VTCN1: variants seen among roughly 807,000 people sequenced by gnomAD.
VTCN1 encodes V-set domain containing T cell activation inhibitor 1.
A neutral mutation model predicts 26.5 loss-of-function variants in VTCN1; 26 were observed. The ratio of observed to expected loss-of-function variants is 0.98; its 90% CI spans 0.72 to 1.36. VTCN1 has a LOEUF of 1.36. VTCN1 is among the 40% of genes most tolerant of loss of function. The pLI is 0.00. For synonymous variants in VTCN1, 116 were observed against 130.7 expected (o/e 0.89, Z 0.77); for missense variants, 298 against 337.7 (o/e 0.88, Z 0.92).
chr1:117,201,091 AT>A (rs1437110952), intron 1 of VTCN1, among the ~76,000 whole-genome samples: 1 of 152,206 alleles, frequency 6.6e-6, no homozygotes, highest in Non-Finnish European at 1.5e-5. Flanking sequence ...AATTCTATAC[AT>A]TTATAATGGG....
chr1:117,153,415 G>A (rs2051047), intron 3 of VTCN1, 46 bp from the exon 4 acceptor site: 167,869 of 1,555,558 alleles, frequency 0.11, 19,742 homozygotes, highest in African/African-American at 0.62. Context: ...AGTCAGACAC[G>A]TAAGACAATA....
At position 117,167,752 on chromosome 1, in the gene VTCN1, G is replaced by A. The variant is rs1424428554; in HGVS notation, c.97+2355C>T. On this transcript the variant is annotated intron_variant, in intron 2 of 5. Transcript: ENST00000369458. The surrounding 1 kb of genome is among the most constrained non-coding windows in gnomAD (Gnocchi z 4.1). The stretch of plus-strand genomic sequence containing the variant: ...CACTCCTTGTGAGCTGCTTTATTTT[G>A]AGACAGTAGAAAAAGAATTGAAAGA... 6.6e-6 allele frequency among the ~76,000 whole-genome samples: 1 copy of A among 152,114 alleles called. No homozygotes were observed. The highest frequency in any genetic ancestry group is 1.5e-5 in the Non-Finnish European group (1 of 68,028).
intron 1 of VTCN1, 35 bp from the exon 2 acceptor site, chr1:117,170,206 C>A (rs772076171): frequency 5.6e-6 from 9 of 1,595,622 alleles, no homozygotes; most frequent in South Asian, 1.1e-5. Flanking sequence ...AAAATTAGTT[C>A]TCCATTCCTC....
At chr1:117,187,247 G>T (rs1257856321) in intron 1 of VTCN1, among the ~76,000 whole-genome samples, 1 of 135,116 alleles carries the variant, frequency 7.4e-6, no homozygotes, top group Non-Finnish European at 1.5e-5. Context: ...GGAGGCAGAG[G>T]TTGCAGTGAG....
chr1:117,147,915 TG>T lies in VTCN1; in HGVS notation c.725-134del. The T allele has an allele frequency of 8.5e-7, 1 of 1,175,918 alleles. No individual in the cohort carries two copies. Among genetic ancestry groups the T allele is most frequent in the African/African-American group, 1.5e-5 (1 of 64,626 alleles). 72.8% of individuals were successfully genotyped at this position (1,175,918 alleles called of 1,614,324 possible). On this transcript the variant is annotated intron_variant, in intron 4 of 5. Coordinates refer to ENST00000369458, the MANE Select transcript of VTCN1 (RefSeq NM_024626.4). This position sits in a 1 kb window ranked among gnomAD's most constrained non-coding sequence, Gnocchi z 4.6. ...TAATTCAGGCAATTTTTTACCCCTT[TG>T]CCCACCTCTCCGTAACTGGCTTAAA...
chr1:117,151,835 T>A (rs1469897184), intron 4 of VTCN1, among the ~76,000 whole-genome samples: 7 of 152,192 alleles, frequency 4.6e-5, no homozygotes, highest in Non-Finnish European at 1.0e-4. Context: ...GGTTCCAATT[T>A]TTCCGCATCC....
chr1:117,183,256 CT>C lies in VTCN1; in HGVS notation c.33-13086del, dbSNP rs1647762667. Among the ~76,000 whole-genome samples, 1 of 152,162 alleles carries C rather than the reference CT, an allele frequency of 6.6e-6. No individual in the cohort carries two copies. The highest frequency in any genetic ancestry group is 2.4e-5 in the African/African-American group (1 of 41,418). On this transcript the variant is annotated intron_variant, in intron 1 of 5. Coordinates refer to ENST00000369458, the MANE Select transcript of VTCN1 (RefSeq NM_024626.4). The surrounding 1 kb of genome is among the most constrained non-coding windows in gnomAD (Gnocchi z 4.1). ...CTTCGTTCCTATTATTTTTCAAGTT[CT>C]TGGAACATGCAAGGAACTTACCAAA...
chr1:117,181,002 A>G (rs1221729608), intron 1 of VTCN1, among the ~76,000 whole-genome samples: 1 of 152,226 alleles, frequency 6.6e-6, no homozygotes, highest in Non-Finnish European at 1.5e-5. Flanking sequence ...CAACACTGCA[A>G]TTCATCCTAT....
intron 2 of VTCN1, among the ~76,000 whole-genome samples, chr1:117,158,584 G>C (rs763931982): frequency 9.2e-5 from 14 of 152,146 alleles, no homozygotes; most frequent in African/African-American, 2.9e-4. Flanking sequence ...TGATGGGAGG[G>C]GCAGCCATGA....
chr1:117,153,244 A>G lies in VTCN1; in HGVS notation c.571T>C (p.Phe191Leu), dbSNP rs1204862616. The stretch of plus-strand genomic sequence containing the variant: ...AAGCTGGTATTGGAGACTTCCGAGA[A>G]GTTGGCTCCCTGGTCAACTTGGGAT... ...WASQVDQGAN[F>L]SEVSNTSFEL... Residue 191 changes from phenylalanine (F) to leucine (L), a missense_variant, in exon 4 of 6, where the codon TTC becomes CTC. Physicochemically the swap from Phe to Leu is conservative, Grantham distance 22. Transcript: ENST00000369458. 6.2e-7 allele frequency: 1 copy of G among 1,614,114 alleles called. No homozygotes were observed. Among genetic ancestry groups the G allele is most frequent in the Non-Finnish European group, 8.5e-7 (1 of 1,179,990 alleles).
chr1:117,195,700 C>T (rs1421203762), intron 1 of VTCN1, among the ~76,000 whole-genome samples: 1 of 152,066 alleles, frequency 6.6e-6, no homozygotes, highest in Non-Finnish European at 1.5e-5. Context: ...AAGTTGGTAC[C>T]AACTTTAGTG....
At chr1:117,170,600 T>C (rs552024013) in intron 1 of VTCN1, among the ~76,000 whole-genome samples, 17 of 152,352 alleles carry the variant, frequency 1.1e-4, no homozygotes, top group African/African-American at 4.1e-4. Flanking sequence ...CCATAGACTT[T>C]AAACTCCATT....
intron 1 of VTCN1, among the ~76,000 whole-genome samples, chr1:117,198,174 C>G (rs1648611217): frequency 6.6e-6 from 1 of 152,202 alleles, no homozygotes. Flanking sequence ...TCTTCCACTT[C>G]CCTGAAGTAT....
intron 1 of VTCN1, among the ~76,000 whole-genome samples, chr1:117,210,178 A>T (rs569259890): frequency 2.0e-5 from 3 of 152,098 alleles, no homozygotes; most frequent in South Asian, 4.2e-4. Flanking sequence ...AAGGTAGGGG[A>T]GGGAACTTGC....
Position 117,144,297 on chromosome 1 carries a change from C to T in VTCN1, c.*974G>A, listed in dbSNP as rs1404542253. 5.3e-5 allele frequency: 8 copies of T among 152,342 alleles called. No homozygotes were observed. The Middle Eastern group carries it at 0.01, about 194-fold the overall frequency. The allele number at this position is 152,342 out of a possible 1,614,324, so 9.4% of individuals were successfully genotyped here. A position where few individuals can be genotyped will look rare whatever the true frequency, so the allele number is the denominator to read the frequency against. On this transcript the variant is annotated 3_prime_UTR_variant, in exon 6 of 6. Transcript: ENST00000369458. ...TTGAGCAGCATCCCTGGCCTCTATC[C>T]ACTAGTTGGTAGTAGCACTGTATCC...
chr1:117,151,074 G>T (rs1651763555), intron 4 of VTCN1, among the ~76,000 whole-genome samples: 1 of 152,164 alleles, frequency 6.6e-6, no homozygotes, highest in Non-Finnish European at 1.5e-5. Flanking sequence ...GTGCTACTGT[G>T]ACCATGGGTG....
In VTCN1 at chr1:117,153,100, T is replaced by C. The variant is rs745587678; in HGVS notation, c.715A>G (p.Lys239Glu). Reference protein sequence around the residue: ...NDIAKATGDIKVTESEIKRRS... With the variant: ...NDIAKATGDIEVTESEIKRRS... ...GCATGCAGGAACCCACCTGTCACTTTGATATCCCCTGTTGCTTTGGCAATG... is the reference window on the plus strand; with the variant it reads ...GCATGCAGGAACCCACCTGTCACTTCGATATCCCCTGTTGCTTTGGCAATG... Residue 239 changes from lysine to glutamate, a missense_variant, in exon 4 of 6, where the codon AAA (lysine) becomes GAA (glutamate). Lys to Glu is a moderately conservative substitution (Grantham distance 56). Coordinates refer to ENST00000369458, the MANE Select transcript of VTCN1 (RefSeq NM_024626.4). 1.0e-5 allele frequency: 16 copies of C among 1,605,056 alleles called. No homozygotes were observed. In the East Asian group the frequency reaches 3.4e-4, roughly 34 times the overall value.
chr1:117,209,383 G>C (rs1259430579), intron 1 of VTCN1, among the ~76,000 whole-genome samples: 1 of 152,182 alleles, frequency 6.6e-6, no homozygotes, highest in Non-Finnish European at 1.5e-5. Flanking sequence ...GGAATGGTGG[G>C]CATGGAGAAC....
At chr1:117,152,902 T>C (rs1212540467) in intron 4 of VTCN1, among the ~76,000 whole-genome samples, 189 bp downstream of exon 4, 1 of 152,174 alleles carries the variant, frequency 6.6e-6, no homozygotes, top group Non-Finnish European at 1.5e-5. Context: ...CTATATGCCA[T>C]ACATATTGTT....
Sources: gnomAD v4.1 joint callset for allele counts (sites outside exome capture counted in the v4.1 genomes callset) on GRCh38, gnomAD v4.1.1 for gene constraint, Gnocchi (gnomAD v3.1) non-coding constraint, MANE v1.5 for transcripts, NCBI Gene and HGNC (gene_info 2026-07-23, HGNC 2026-07-21) for gene names.